REEP1: variants seen among roughly 807,000 people sequenced by gnomAD.
REEP1 encodes receptor expression-enhancing protein 1.
In REEP1, 22 loss-of-function variants were observed where a neutral mutation model predicts 40.3. The ratio of observed to expected loss-of-function variants is 0.55; its 90% confidence interval spans 0.39 to 0.78. The LOEUF is 0.78. Among genes scored for constraint, REEP1 ranks in the 30% least tolerant of loss-of-function variants. REEP1 has a pLI of 0.00. For missense variants in REEP1, 280 were observed against 361.1 expected (o/e 0.78, Z 1.82); for synonymous variants, 116 against 139.2 (o/e 0.83, Z 1.17).
chr2:86,230,608 T>C (rs1674955637), intron 6 of REEP1, among the ~76,000 whole-genome samples: 2 of 152,220 alleles, frequency 1.3e-5, no homozygotes, highest in Non-Finnish European at 2.9e-5. Context: ...ACTTGCAGCA[T>C]GACAATGCGC....
At chr2:86,277,380 A>AC (rs1677818763) in intron 2 of REEP1, among the ~76,000 whole-genome samples, 1 of 151,646 alleles carries the variant, frequency 6.6e-6, no homozygotes, top group South Asian at 2.1e-4. Context: ...ACATGGTGAA[A>AC]CCCCCATCTC....
At chr2:86,282,332 T>C (rs1002719085) in intron 1 of REEP1, 90 bp from the exon 2 acceptor site, 15 of 991,422 alleles carry the variant, frequency 1.5e-5, no homozygotes, top group Non-Finnish European at 2.3e-5. Context: ...AGCAACTCTC[T>C]AAGCTACAGA....
chr2:86,243,840 G>A (rs529630078), intron 5 of REEP1, among the ~76,000 whole-genome samples: 4 of 152,274 alleles, frequency 2.6e-5, no homozygotes, highest in African/African-American at 9.6e-5. Flanking sequence ...GAAGAAAGAA[G>A]GCTAACTTGA....
At chr2:86,242,640 C>T (rs1480817982) in intron 5 of REEP1, among the ~76,000 whole-genome samples, 1 of 152,138 alleles carries the variant, frequency 6.6e-6, no homozygotes, top group African/African-American at 2.4e-5. Context: ...CTCAGAGTTG[C>T]TATTTCCAGA....
At chr2:86,265,666 T>C (rs762592203) in intron 2 of REEP1, among the ~76,000 whole-genome samples, 16 of 152,318 alleles carry the variant, frequency 1.1e-4, no homozygotes, top group Non-Finnish European at 8.8e-5. Flanking sequence ...TCCATTATCA[T>C]AAGTAGAATA....
chr2:86,329,662 G>A (rs1473773737), intron 1 of REEP1, among the ~76,000 whole-genome samples: 2 of 152,074 alleles, frequency 1.3e-5, no homozygotes, highest in African/African-American at 4.8e-5. Flanking sequence ...CAGGCTTTAT[G>A]GGGATCTTGT....
intron 3 of REEP1, among the ~76,000 whole-genome samples, chr2:86,262,001 T>G (rs1201616570): frequency 6.6e-6 from 1 of 152,168 alleles, no homozygotes; most frequent in African/African-American, 2.4e-5. Flanking sequence ...TGCAAAGACC[T>G]TTGTTCACGT....
At chr2:86,304,762 C>T (rs971421680) in intron 1 of REEP1, among the ~76,000 whole-genome samples, 19 of 152,330 alleles carry the variant, frequency 1.2e-4, no homozygotes, top group South Asian at 2.1e-4. Context: ...GACTCTGTCT[C>T]CAGCTAGAGG....
chr2:86,335,693 A>C (rs1680987124), intron 1 of REEP1, among the ~76,000 whole-genome samples: 1 of 152,070 alleles, frequency 6.6e-6, no homozygotes, highest in South Asian at 2.1e-4. Context: ...TACTAAAAAT[A>C]CAAAAATTAG....
chr2:86,247,706 G>A (rs7558361), intron 5 of REEP1, among the ~76,000 whole-genome samples: 1,552 of 152,068 alleles, frequency 0.01, 28 homozygotes, highest in African/African-American at 0.035. Flanking sequence ...GAGTAGCTGG[G>A]ATTACAGGTG....
At chr2:86,280,084 T>C (rs1301242106) in intron 2 of REEP1, 1 of 454,876 alleles carries the variant, frequency 2.2e-6, no homozygotes, top group East Asian at 7.0e-5. Context: ...GGGTGGGGCG[T>C]GGGTGTGGGT....
intron 2 of REEP1, among the ~76,000 whole-genome samples, chr2:86,273,403 C>T (rs1046646603): frequency 7.2e-5 from 11 of 151,792 alleles, no homozygotes; most frequent in African/African-American, 9.7e-5. Flanking sequence ...TCCCACTCAG[C>T]GTCTTGAGTA....
intron 1 of REEP1, among the ~76,000 whole-genome samples, chr2:86,328,308 G>A (rs777950606): frequency 1.1e-4 from 17 of 152,224 alleles, no homozygotes; most frequent in African/African-American, 3.6e-4. Flanking sequence ...TGTCTCACAG[G>A]CATAGCTTTG....
intron 1 of REEP1, among the ~76,000 whole-genome samples, chr2:86,305,877 C>T (rs1679457959): frequency 6.6e-6 from 1 of 152,206 alleles, no homozygotes; most frequent in South Asian, 2.1e-4. Flanking sequence ...TTTTGGCTCA[C>T]CTAGCGCCTC....
intron 2 of REEP1, among the ~76,000 whole-genome samples, chr2:86,267,443 T>C (rs915003457): frequency 6.6e-6 from 1 of 152,194 alleles, no homozygotes; most frequent in Non-Finnish European, 1.5e-5. Flanking sequence ...CAATTAAACC[T>C]CATTTATAAA....
intron 6 of REEP1, among the ~76,000 whole-genome samples, chr2:86,229,091 A>C (rs1028842114): frequency 1.3e-5 from 2 of 152,096 alleles, no homozygotes; most frequent in Non-Finnish European, 2.9e-5. Flanking sequence ...AACCCCTGCC[A>C]CCTGTCCAGG....
intron 6 of REEP1, among the ~76,000 whole-genome samples, chr2:86,228,535 C>T (rs998271267): frequency 5.3e-5 from 8 of 151,590 alleles, no homozygotes; most frequent in Non-Finnish European, 1.2e-4. Context: ...CTCAGCTCAC[C>T]GCAACCTCTG....
chr2:86,292,643 T>C (rs1031984266), intron 1 of REEP1, among the ~76,000 whole-genome samples: 27 of 152,164 alleles, frequency 1.8e-4, no homozygotes, highest in Non-Finnish European at 3.4e-4. Context: ...GTTTTCTCCT[T>C]CTGGTGGGCT....
At chr2:86,249,077 GGC>G (rs1175207192) in intron 5 of REEP1, among the ~76,000 whole-genome samples, 4 of 152,104 alleles carry the variant, frequency 2.6e-5, no homozygotes, top group African/African-American at 9.7e-5. Context: ...TGGCCAACAT[GGC>G]AAAACCCAGT....
Sources: allele counts gnomAD v4.1 joint callset (sites outside exome capture counted in the v4.1 genomes callset), GRCh38; gene constraint gnomAD v4.1.1; transcripts MANE v1.5; gene names NCBI Gene and HGNC (gene_info 2026-07-23, HGNC 2026-07-21).